AHRR: variants seen among roughly 807,000 people sequenced by gnomAD.
The protein encoded by AHRR is ahR repressor.
A neutral mutation model predicts 44.0 loss-of-function variants in AHRR; 28 were observed. The ratio of observed to expected loss-of-function variants is 0.64; its 90% CI spans 0.47 to 0.87. The LOEUF is 0.87. AHRR is among the 40% of genes least tolerant of loss of function. The probability of loss-of-function intolerance (pLI) is 0.00; values close to 1 mark genes in which losing one functional copy is unlikely to be tolerated. For missense variants in AHRR, 990 were observed against 953.9 expected, an observed-to-expected ratio of 1.04 and a Z score of -0.50; for synonymous variants, 434 against 407.0, an observed-to-expected ratio of 1.07 and a Z score of -0.80.
At chr5:373,532 A>C (rs932656160) in intron 3 of AHRR, among the ~76,000 whole-genome samples, 18 of 152,250 alleles carry the variant, frequency 1.2e-4, no homozygotes, top group Admixed American at 1.1e-3. Flanking sequence ...CCCAGGAAGG[A>C]CACCGCGCTC....
At chr5:432,669 C>T (rs1736786133) in intron 9 of AHRR, 137 bp from the exon 10 acceptor site, 3 of 1,516,052 alleles carry the variant, frequency 2.0e-6, no homozygotes, top group Admixed American at 3.5e-5. Context: ...CTGCTGTGGA[C>T]AAGTGCCGTT....
At chr5:360,980 G>A (rs187772185) in intron 3 of AHRR, among the ~76,000 whole-genome samples, 14 of 152,318 alleles carry the variant, frequency 9.2e-5, no homozygotes, top group Admixed American at 3.3e-4. Flanking sequence ...GGCCGGGTAC[G>A]GTGGCGCACA....
chr5:398,082 G>GT (rs1734830110), intron 4 of AHRR, among the ~76,000 whole-genome samples: 1 of 127,588 alleles, frequency 7.8e-6, no homozygotes, highest in African/African-American at 3.0e-5. Context: ...GACCATCCAC[G>GT]TAGCCCCTGA....
intron 8 of AHRR, 39 bp downstream of exon 8, chr5:428,045 C>T: frequency 1.3e-6 from 2 of 1,578,460 alleles, no homozygotes; most frequent in South Asian, 1.1e-5. Flanking sequence ...ATGGTGCCTG[C>T]TGGCGGCCCC....
chr5:431,153 C>T (rs527939597), intron 8 of AHRR, among the ~76,000 whole-genome samples: 2 of 152,176 alleles, frequency 1.3e-5, no homozygotes, highest in Non-Finnish European at 1.5e-5. Flanking sequence ...CAGGGCAGGG[C>T]AGGCCTGGCC....
chr5:390,597 G>C (rs896552730), intron 4 of AHRR, among the ~76,000 whole-genome samples: 2 of 152,192 alleles, frequency 1.3e-5, no homozygotes, highest in Non-Finnish European at 2.9e-5. Flanking sequence ...AGGAAAATGA[G>C]CAGAGCCTGA....
chr5:333,072 T>A (rs1741988294), intron 1 of AHRR, among the ~76,000 whole-genome samples: 1 of 151,884 alleles, frequency 6.6e-6, no homozygotes, highest in African/African-American at 2.4e-5. Context: ...TCAATCTGTA[T>A]GTGTCTTTTT....
intron 3 of AHRR, among the ~76,000 whole-genome samples, chr5:371,610 A>AGAC (rs1432141884): frequency 6.6e-6 from 1 of 152,086 alleles, no homozygotes; most frequent in Non-Finnish European, 1.5e-5. Flanking sequence ...CACCTGTCCT[A>AGAC]GACCCACCTG....
At position 405,703 on chromosome 5, in the gene AHRR, C is replaced by T. The variant is rs1181572146; in HGVS notation, c.352-7641C>T. On this transcript the variant is annotated intron_variant, in intron 4 of 10. Coordinates refer to ENST00000684583, the MANE Select transcript of AHRR (RefSeq NM_001377236.1). This position sits in a 1 kb window ranked among gnomAD's most constrained non-coding sequence, Gnocchi z 4.5. ...AGCCTTGTCCCACCGCCTGCGACCA[C>T]CAGCTCCTCCGCTCTCTCCATCGGT... 1.3e-5 allele frequency among the ~76,000 whole-genome samples: 2 copies of T among 152,370 alleles called. No individual in the cohort carries two copies. The highest frequency in any genetic ancestry group is 4.8e-5 in the African/African-American group (2 of 41,582).
intron 7 of AHRR, among the ~76,000 whole-genome samples, chr5:425,576 G>A (rs1367198333): frequency 6.6e-6 from 1 of 152,132 alleles, no homozygotes; most frequent in East Asian, 1.9e-4. Flanking sequence ...TATTGGCTAA[G>A]GAATGTTGTT....
intron 3 of AHRR, among the ~76,000 whole-genome samples, chr5:369,500 G>A (rs904959182): frequency 3.3e-5 from 5 of 152,216 alleles, no homozygotes; most frequent in Admixed American, 6.5e-5. Flanking sequence ...AGCACAGCCC[G>A]ACTCAGGAGC....
At chr5:359,818 AG>A (rs1560890787) in intron 3 of AHRR, among the ~76,000 whole-genome samples, 30 of 152,318 alleles carry the variant, frequency 2.0e-4, no homozygotes, top group Non-Finnish European at 2.9e-5. Flanking sequence ...GAGGCCCCAC[AG>A]CGCCACGAGG....
chr5:371,553 A>T (rs994559477), intron 3 of AHRR, among the ~76,000 whole-genome samples: 2 of 152,146 alleles, frequency 1.3e-5, no homozygotes, highest in Non-Finnish European at 2.9e-5. Flanking sequence ...TGCCTCATGC[A>T]CGGGTAAGCC....
rs2126480625 is a variant in AHRR, at chr5:395,020, G to A, written c.351+18304G>A. 6.6e-6 allele frequency among the ~76,000 whole-genome samples: 1 copy of A among 152,350 alleles called. No homozygotes were observed. The highest frequency in any genetic ancestry group is 2.1e-4 in the South Asian group (1 of 4,830). On this transcript the variant is annotated intron_variant, in intron 4 of 10. Transcript: ENST00000684583. This position sits in a 1 kb window ranked among gnomAD's most constrained non-coding sequence, Gnocchi z 5.3. Reference sequence around the variant, plus strand: ...CTGCTGTCGCCCCCCAGGCAGGGCTGTCTCGAGGCATCTTGGGAGGGCAAA... The same window carrying A: ...CTGCTGTCGCCCCCCAGGCAGGGCTATCTCGAGGCATCTTGGGAGGGCAAA...
At chr5:333,786 C>A (rs1301876180) in intron 1 of AHRR, among the ~76,000 whole-genome samples, 2 of 152,080 alleles carry the variant, frequency 1.3e-5, no homozygotes, top group Non-Finnish European at 2.9e-5. Flanking sequence ...CATTTGATTC[C>A]TTTCTCTTCG....
chr5:417,998 A>G (rs1326784345), intron 5 of AHRR, among the ~76,000 whole-genome samples: 1 of 152,230 alleles, frequency 6.6e-6, no homozygotes, highest in African/African-American at 2.4e-5. Flanking sequence ...TGCCATTGAC[A>G]TTTGTTGATT....
intron 1 of AHRR, among the ~76,000 whole-genome samples, chr5:340,663 A>ATTATAT (rs1560881434): frequency 1.3e-4 from 8 of 59,374 alleles, no homozygotes; most frequent in Non-Finnish European, 2.2e-4. Context: ...TCACAGCAAT[A>ATTATAT]TTATATATAT....
chr5:360,040 C>G (rs1743122932), intron 3 of AHRR, among the ~76,000 whole-genome samples: 1 of 152,146 alleles, frequency 6.6e-6, no homozygotes, highest in Admixed American at 6.5e-5. Flanking sequence ...TTCACCTATT[C>G]ATATAGTGAA....
In AHRR at chr5:406,935, A is replaced by G. The variant is rs1161025857; in HGVS notation, c.352-6409A>G. 6.6e-6 allele frequency among the ~76,000 whole-genome samples: 1 copy of G among 152,230 alleles called. No individual in the cohort carries two copies. Among genetic ancestry groups the G allele is most frequent in the Admixed American group, 6.5e-5 (1 of 15,286 alleles). ...TTTCTTAATAGGGCACCAGTTATTG[A>G]AAAGCCTATCTCTGTCCCAGTGATT... On this transcript the variant is annotated intron_variant, in intron 4 of 10. Transcript: ENST00000684583. This position sits in a 1 kb window ranked among gnomAD's most constrained non-coding sequence, Gnocchi z 4.7.
Sources: allele counts gnomAD v4.1 joint callset (sites outside exome capture counted in the v4.1 genomes callset), GRCh38; gene constraint gnomAD v4.1.1; non-coding constraint Gnocchi (gnomAD v3.1); transcripts MANE v1.5; gene names NCBI Gene and HGNC (gene_info 2026-07-23, HGNC 2026-07-21).